The following SRRM2 variants were observed in gnomAD, a reference collection of about 807,000 sequenced individuals.
SRRM2 encodes the protein serine/arginine repetitive matrix 2, also known as serine/arginine repetitive matrix protein 2.
A neutral mutation model predicts 213.8 loss-of-function variants in SRRM2; 30 were observed. The ratio of observed to expected loss-of-function variants is 0.14; its 90% confidence interval spans 0.10 to 0.19. SRRM2 has a LOEUF of 0.19. Among genes scored for constraint, SRRM2 ranks in the 10% least tolerant of loss-of-function variants. SRRM2 has a pLI of 1.00. For missense variants in SRRM2, 4,904 were observed against 3,647.0 expected (o/e 1.34, Z -8.88); for synonymous variants, 2,025 against 1,377.7 (o/e 1.47, Z -10.40).
chr16:2,754,255 T>C (rs2068059699), intron 1 of SRRM2, among the ~76,000 whole-genome samples: 1 of 152,038 alleles, frequency 6.6e-6, no homozygotes, highest in African/African-American at 2.4e-5. Flanking sequence ...CTCCGAAACA[T>C]TGTGACCTAA....
intron 11 of SRRM2, 76 bp from the exon 12 acceptor site, chr16:2,768,921 C>G: frequency 6.3e-7 from 1 of 1,593,792 alleles, no homozygotes; most frequent in Non-Finnish European, 8.5e-7. Flanking sequence ...CCCCCACTGC[C>G]GTTCCTCCAG....
chr16:2,759,088 T>A, intron 6 of SRRM2, 41 bp downstream of exon 6: 1 of 1,614,204 alleles, frequency 6.2e-7, no homozygotes, highest in Non-Finnish European at 8.5e-7. Context: ...GAAGGTTTGC[T>A]GAATTCAGGC....
At position 2,767,054 on chromosome 16, in the gene SRRM2, C is replaced by T; in HGVS notation, c.6526C>T (p.His2176Tyr). Reference protein sequence around the residue: ...DHQRTSVPENHAQSRIALALT... With the variant: ...DHQRTSVPENYAQSRIALALT... Reference sequence around the variant, plus strand: ...CCAGAGAACATCTGTGCCAGAAAATCATGCTCAGTCCAGGATTGCACTTGC... The same window carrying T: ...CCAGAGAACATCTGTGCCAGAAAATTATGCTCAGTCCAGGATTGCACTTGC... Residue 2176 changes from histidine (H) to tyrosine (Y), a missense_variant, in exon 11 of 15, where the codon CAT becomes TAT. Transcript: ENST00000301740. 6.2e-7 allele frequency: 1 copy of T among 1,614,228 alleles called. No individual in the cohort carries two copies. Among genetic ancestry groups the T allele is most frequent in the East Asian group, 2.2e-5 (1 of 44,882 alleles).
chr16:2,770,788 G>C, intron 14 of SRRM2, 70 bp from the exon 15 acceptor site: 2 of 1,610,916 alleles, frequency 1.2e-6, no homozygotes, highest in Non-Finnish European at 1.7e-6. Flanking sequence ...CCCCATTTTG[G>C]GAGTGGCCCA....
Position 2,761,735 on chromosome 16 carries a change from C to G in SRRM2, c.1207C>G (p.Arg403Gly). The change falls in exon 11 of 15, where the codon CGT becomes GGT. Residue 403 changes from arginine to glycine, a missense_variant. Arg to Gly is a moderately radical substitution (Grantham distance 125). Transcript: ENST00000301740. ...PPSEASPTRD[R>G]SPPKSPEKLP... is the part of the protein sequence containing the mutation. ...ATCTGAGGCCTCTCCAACTCGGGAC[C>G]GTTCACCACCTAAGTCTCCCGAGAA... The G allele has an allele frequency of 6.2e-7, 1 of 1,611,256 alleles. No homozygotes were observed. The highest frequency in any genetic ancestry group is 8.5e-7 in the Non-Finnish European group (1 of 1,178,516).
rs761989386 is a variant in SRRM2 at position 2,768,186 on chromosome 16, C to T, written c.7658C>T (p.Ser2553Phe). ...SSSSSSSSSS[S>F]SSSGSSSSDS... ...TCTTCATCATCGTCGTCGTCGTCCT[C>T]CTCCTCCTCTGGCTCCAGTTCTAGT... Residue 2553 changes from serine (S) to phenylalanine (F), a missense_variant, in exon 11 of 15, where the codon TCC becomes TTC. Transcript: ENST00000301740. 9.3e-6 allele frequency: 15 copies of T among 1,610,872 alleles called. No individual in the cohort carries two copies. Among genetic ancestry groups the T allele is most frequent in the African/African-American group, 1.3e-5 (1 of 74,838 alleles).
At position 2,763,807 on chromosome 16, in the gene SRRM2, A is replaced by G; in HGVS notation, c.3279A>G (p.Ser1093=). The G allele has an allele frequency of 6.2e-7, 1 of 1,614,044 alleles. No homozygotes were observed. The highest frequency in any genetic ancestry group is 1.1e-5 in the South Asian group (1 of 91,074). Residue 1093 remains serine (S), a synonymous_variant, in exon 11 of 15, where the codon TCA becomes TCG. Coordinates refer to ENST00000301740, the MANE Select transcript of SRRM2 (RefSeq NM_016333.4). ...SPSLQSKSQT[S]PKGGRSRSSS... ...CTCTGCAGAGCAAATCTCAAACATCACCTAAGGGAGGTCGGTCCAGGTCTT... is the reference window on the plus strand; with the variant it reads ...CTCTGCAGAGCAAATCTCAAACATCGCCTAAGGGAGGTCGGTCCAGGTCTT...
At position 2,768,199 on chromosome 16, in the gene SRRM2, C is replaced by T. The variant is rs752087615; in HGVS notation, c.7671C>T (p.Gly2557=). The part of the protein sequence containing the change: ...SSSSSSSSSS[G]SSSSDSEGSS... Reference sequence around the variant, plus strand: ...CGTCGTCGTCCTCCTCCTCCTCTGGCTCCAGTTCTAGTGACTCAGAGGGCT... The same window carrying T: ...CGTCGTCGTCCTCCTCCTCCTCTGGTTCCAGTTCTAGTGACTCAGAGGGCT... The change falls in exon 11 of 15, where the codon GGC becomes GGT. Residue 2557 remains glycine, a synonymous_variant. Transcript: ENST00000301740. The T allele has an allele frequency of 5.0e-6, 8 of 1,607,142 alleles. No individual in the cohort carries two copies. The highest frequency in any genetic ancestry group is 2.2e-5 in the South Asian group (2 of 89,850).
chr16:2,759,856 TTTTG>T (rs1596269888), intron 9 of SRRM2, 195 bp downstream of exon 9: 9 of 579,954 alleles, frequency 1.6e-5, no homozygotes, highest in South Asian at 2.3e-5. Context: ...TTTTTTTTGT[TTTTG>T]TTTATTTGTT....
chr16:2,768,004 C>T lies in SRRM2; in HGVS notation c.7476C>T (p.Gly2492=), dbSNP rs372358574. ...CGTCCTCTGCTGGTGATCACAATGG[C>T]ATGCTCTCTGTCCCTGCCCCTGGGG... is the stretch of plus-strand genomic sequence containing the variant. The part of the protein sequence containing the change: ...TTTSSAGDHN[G]MLSVPAPGVP... The change falls in exon 11 of 15, where the codon GGC becomes GGT. Residue 2492 remains glycine, a synonymous_variant. Transcript: ENST00000301740. 1.2e-6 allele frequency: 2 copies of T among 1,614,088 alleles called. No homozygotes were observed. Among genetic ancestry groups the T allele is most frequent in the African/African-American group, 1.3e-5 (1 of 74,936 alleles).
rs774951047 is a variant in SRRM2 at position 2,766,172 on chromosome 16, C to T, written c.5644C>T (p.Leu1882=). 18 of 1,614,106 alleles carry T rather than the reference C, an allele frequency of 1.1e-5. No individual in the cohort carries two copies. Among genetic ancestry groups the T allele is most frequent in the Admixed American group, 3.3e-5 (2 of 60,006 alleles). Residue 1882 remains leucine, a synonymous_variant, in exon 11 of 15, where the codon CTG becomes TTG. Coordinates refer to ENST00000301740, the MANE Select transcript of SRRM2 (RefSeq NM_016333.4). This position sits in a 1 kb window ranked among gnomAD's most constrained non-coding sequence, Gnocchi z 7.0. ...THRRSRSRTP[L]ISRRRSRSRT... is the part of the protein sequence containing the mutation. ...CCGGCGATCCAGGTCCAGAACCCCCCTGATAAGCCGACGTAGGTCCAGATC... is the reference window on the plus strand; with the variant it reads ...CCGGCGATCCAGGTCCAGAACCCCCTTGATAAGCCGACGTAGGTCCAGATC...
At position 2,770,622 on chromosome 16, in the gene SRRM2, T is replaced by A. The variant is rs763329844; in HGVS notation, c.8154T>A (p.Gly2718=). ...RDQQSSSSER[G]SRRGQRGDSR... Reference sequence around the variant, plus strand: ...GTTGCAGCAGCAGCAGTGAGCGGGGTTCCCGGAGAGGCCAGCGTGGGGACA... The same window carrying A: ...GTTGCAGCAGCAGCAGTGAGCGGGGATCCCGGAGAGGCCAGCGTGGGGACA... The change falls in exon 14 of 15, where the codon GGT becomes GGA. Residue 2718 remains glycine, a synonymous_variant. Transcript: ENST00000301740. 1 of 1,552,610 alleles carries A rather than the reference T, an allele frequency of 6.4e-7. No homozygotes were observed. Among genetic ancestry groups the A allele is most frequent in the Non-Finnish European group, 8.7e-7 (1 of 1,147,874 alleles).
chr16:2,757,907 A>C lies in SRRM2; in HGVS notation c.477A>C (p.Glu159Asp), dbSNP rs2068203445. Residue 159 changes from glutamate (E) to aspartate (D), a missense_variant, in exon 4 of 15, where the codon GAA (glutamate) becomes GAC (aspartate). Physicochemically the swap from Glu to Asp is conservative, Grantham distance 45. Coordinates refer to ENST00000301740, the MANE Select transcript of SRRM2 (RefSeq NM_016333.4). ...SSFDPQRRAR[E>D]AKQPAPEPPK... is the part of the protein sequence containing the mutation. ...TTGATCCTCAGCGTCGTGCCCGAGA[A>C]GCTAAACAACCAGCTCCTGAGCCTC... 1 of 1,614,038 alleles carries C rather than the reference A, an allele frequency of 6.2e-7. No individual in the cohort carries two copies. Among genetic ancestry groups the C allele is most frequent in the Non-Finnish European group, 8.5e-7 (1 of 1,180,040 alleles).
chr16:2,754,161 C>CA (rs2068054129), intron 1 of SRRM2, among the ~76,000 whole-genome samples: 1 of 152,188 alleles, frequency 6.6e-6, no homozygotes, highest in Admixed American at 6.5e-5. Context: ...TTCCTACTTT[C>CA]TGTGTCTTAA....
At chr16:2,768,471 C>G (rs1436846738) in intron 11 of SRRM2, 2 of 682,264 alleles carry the variant, frequency 2.9e-6, no homozygotes, top group African/African-American at 1.8e-5. Context: ...GGTTCATTCT[C>G]TAGAGGATAA....
rs1417954972 is a variant in SRRM2, at chr16:2,764,724, A to G, written c.4196A>G (p.Asn1399Ser). 1 of 1,614,174 alleles carries G rather than the reference A, an allele frequency of 6.2e-7. No homozygotes were observed. Among genetic ancestry groups the G allele is most frequent in the Admixed American group, 1.7e-5 (1 of 60,034 alleles). ...GTGGAAAAGGCAGGGATGTCTTCAA[A>G]TCAGAGCATCTCTTCACCTGTGCTT... The part of the protein sequence containing the change: ...DAVEKAGMSS[N>S]QSISSPVLDA... The change falls in exon 11 of 15, where the codon AAT becomes AGT. Residue 1399 changes from asparagine to serine, a missense_variant. Transcript: ENST00000301740.
chr16:2,755,601 A>G (rs2068112686), intron 1 of SRRM2, among the ~76,000 whole-genome samples: 1 of 152,226 alleles, frequency 6.6e-6, no homozygotes, highest in South Asian at 2.1e-4. Context: ...ATATCAGGAT[A>G]GTTGATAGGA....
chr16:2,760,173 G>A, intron 9 of SRRM2, 128 bp from the exon 10 acceptor site: 2 of 863,368 alleles, frequency 2.3e-6, no homozygotes, highest in Non-Finnish European at 1.8e-6. Flanking sequence ...TTTGAGTTGT[G>A]CGACTAAAGG....
At chr16:2,768,363 A>G (rs778944432) in intron 11 of SRRM2, 102 bp downstream of exon 11, 88 of 1,353,256 alleles carry the variant, frequency 6.5e-5, no homozygotes, top group Non-Finnish European at 5.2e-5. Context: ...TGGCTCTTGG[A>G]GGAGGTATGG....
Sources: gnomAD v4.1 joint callset for allele counts (sites outside exome capture counted in the v4.1 genomes callset) on GRCh38, gnomAD v4.1.1 for gene constraint, Gnocchi (gnomAD v3.1) non-coding constraint, MANE v1.5 for transcripts, NCBI Gene and HGNC (gene_info 2026-07-23, HGNC 2026-07-21) for gene names.